Variants in RYR3 observed in about 807,000 individuals in gnomAD.
RYR3 encodes the protein brain ryanodine receptor-calcium release channel.
Under a neutral mutation model 584.3 loss-of-function variants are expected in RYR3, and 207 were observed. The ratio of observed to expected loss-of-function variants is 0.35; its 90% CI spans 0.32 to 0.40. The LOEUF (loss-of-function observed/expected upper bound fraction) is 0.40, where lower values mean the gene tolerates loss of function less well. RYR3 is among the 10% of genes least tolerant of loss of function. RYR3 has a pLI of 1.00. For synonymous variants in RYR3, 2,416 were observed against 2,248.5 expected, an observed-to-expected ratio of 1.07 and a Z score of -2.11; for missense variants, 5,616 against 6,089.2, an observed-to-expected ratio of 0.92 and a Z score of 2.59.
At chr15:33,568,061 T>C (rs1335501930) in intron 12 of RYR3, among the ~76,000 whole-genome samples, 1 of 152,132 alleles carries the variant, frequency 6.6e-6, no homozygotes, top group Non-Finnish European at 1.5e-5. Flanking sequence ...TCCTGGGATG[T>C]TTTTTCATTC....
At chr15:33,698,887 C>T (rs1201282449) in intron 40 of RYR3, among the ~76,000 whole-genome samples, 3 of 152,044 alleles carry the variant, frequency 2.0e-5, no homozygotes, top group Non-Finnish European at 2.9e-5. Flanking sequence ...CTTAGGATCC[C>T]GAGCAAGGTT....
chr15:33,731,134 T>C (rs1044704371), intron 47 of RYR3, among the ~76,000 whole-genome samples: 1 of 152,218 alleles, frequency 6.6e-6, no homozygotes, highest in Non-Finnish European at 1.5e-5. Flanking sequence ...CATCAAAATG[T>C]TGGGTTAGAC....
intron 43 of RYR3, among the ~76,000 whole-genome samples, chr15:33,708,063 C>G (rs547778114): frequency 6.6e-6 from 1 of 152,316 alleles, no homozygotes; most frequent in African/African-American, 2.4e-5. Context: ...CTCTGCTTCT[C>G]TCTGCGTATT....
chr15:33,859,927 A>G (rs1201431776), intron 100 of RYR3, among the ~76,000 whole-genome samples, 196 bp downstream of exon 100: 1 of 152,348 alleles, frequency 6.6e-6, no homozygotes, highest in East Asian at 1.9e-4. Flanking sequence ...AGGCACAGTT[A>G]TAAGAAGCTT....
At chr15:33,609,596 T>C (rs2060070060) in intron 18 of RYR3, among the ~76,000 whole-genome samples, 1 of 152,198 alleles carries the variant, frequency 6.6e-6, no homozygotes, top group Non-Finnish European at 1.5e-5. Context: ...GAGGTTGCAG[T>C]GAGCCGAGAT....
At chr15:33,810,273 AAGG>A (rs1245599065) in intron 70 of RYR3, among the ~76,000 whole-genome samples, 1 of 152,208 alleles carries the variant, frequency 6.6e-6, no homozygotes, top group African/African-American at 2.4e-5. Flanking sequence ...GCATGCGCAG[AAGG>A]AGAAGGCTCA....
chr15:33,793,924 C>CTGTCTA (rs372089329), intron 67 of RYR3, among the ~76,000 whole-genome samples: 2 of 141,778 alleles, frequency 1.4e-5, no homozygotes, highest in Non-Finnish European at 3.0e-5. Context: ...CACACACACT[C>CTGTCTA]TATATATATA....
chr15:33,589,799 C>G (rs904610316), intron 16 of RYR3, among the ~76,000 whole-genome samples: 1 of 152,162 alleles, frequency 6.6e-6, no homozygotes, highest in African/African-American at 2.4e-5. Context: ...TCTAAGTTCT[C>G]TATTCTGTTC....
intron 1 of RYR3, among the ~76,000 whole-genome samples, chr15:33,408,430 T>C (rs2043169452): frequency 6.6e-6 from 1 of 152,238 alleles, no homozygotes; most frequent in East Asian, 1.9e-4. Flanking sequence ...GTTGATTCCA[T>C]GTCCTTGCTA....
chr15:33,771,514 C>T (rs1008607149), intron 62 of RYR3, among the ~76,000 whole-genome samples: 7 of 149,460 alleles, frequency 4.7e-5, no homozygotes, highest in Admixed American at 3.3e-4. Context: ...AGCCTGGTGA[C>T]AGGGTGAGAC....
intron 1 of RYR3, among the ~76,000 whole-genome samples, chr15:33,385,193 A>G (rs1490910007): frequency 6.6e-6 from 1 of 152,180 alleles, no homozygotes; most frequent in Non-Finnish European, 1.5e-5. Context: ...CGGAAATGAG[A>G]TGCTGCGTGA....
At chr15:33,548,237 A>G (rs894094598) in intron 9 of RYR3, 33 bp downstream of exon 9, 4 of 1,398,684 alleles carry the variant, frequency 2.9e-6, no homozygotes, top group Non-Finnish European at 3.0e-6. Flanking sequence ...CCTTTTCAAG[A>G]TTACTTTCTT....
At chr15:33,808,332 T>G (rs7174634) in intron 70 of RYR3, among the ~76,000 whole-genome samples, 31,786 of 152,168 alleles carry the variant, frequency 0.21, 4,027 homozygotes, top group African/African-American at 0.35. Flanking sequence ...TCAGGGGTTT[T>G]GGGAGGATCA....
intron 16 of RYR3, among the ~76,000 whole-genome samples, chr15:33,591,040 G>T (rs1473836172): frequency 1.3e-5 from 2 of 152,142 alleles, no homozygotes; most frequent in African/African-American, 4.8e-5. Flanking sequence ...GGAGTGTGTT[G>T]CAGTGCCCAC....
chr15:33,401,797 T>C (rs2042690846), intron 1 of RYR3, among the ~76,000 whole-genome samples: 1 of 152,194 alleles, frequency 6.6e-6, no homozygotes, highest in South Asian at 2.1e-4. Flanking sequence ...ATACAATCTC[T>C]CTTTTTCTCA....
chr15:33,556,489 T>A (rs1399519440), intron 10 of RYR3, among the ~76,000 whole-genome samples: 18 of 152,230 alleles, frequency 1.2e-4, no homozygotes, highest in Admixed American at 1.2e-3. Flanking sequence ...AAAGGTCATT[T>A]TGATGTTTTC....
At chr15:33,591,914 A>G (rs1454049246) in intron 16 of RYR3, among the ~76,000 whole-genome samples, 1 of 152,260 alleles carries the variant, frequency 6.6e-6, no homozygotes, top group Non-Finnish European at 1.5e-5. Flanking sequence ...GACTGCTTTT[A>G]CAGATGAAAG....
intron 1 of RYR3, among the ~76,000 whole-genome samples, chr15:33,405,731 C>T (rs2042975424): frequency 6.6e-6 from 1 of 152,200 alleles, no homozygotes; most frequent in Non-Finnish European, 1.5e-5. Flanking sequence ...GGGAAACTTA[C>T]TTGTTAATCG....
chr15:33,574,757 TGCCTAGGAGA>T (rs1319213889), intron 12 of RYR3, among the ~76,000 whole-genome samples: 1 of 152,130 alleles, frequency 6.6e-6, no homozygotes, highest in East Asian at 1.9e-4. Flanking sequence ...ATACTGTAAA[TGCCTAGGAGA>T]GCTCATTAGA....
Sources: gnomAD v4.1 joint callset for allele counts (sites outside exome capture counted in the v4.1 genomes callset) on GRCh38, gnomAD v4.1.1 for gene constraint, MANE v1.5 for transcripts, NCBI Gene and HGNC (gene_info 2026-07-23, HGNC 2026-07-21) for gene names.